Variants in ADAM10 observed in about 807,000 individuals in gnomAD.
ADAM10 encodes the protein ADAM metallopeptidase domain 10.
ADAM10 carries 17 observed loss-of-function variants against 90.1 expected under a neutral mutation model. The ratio of observed to expected loss-of-function variants is 0.19; its 90% confidence interval spans 0.13 to 0.28. The LOEUF (loss-of-function observed/expected upper bound fraction) is 0.28. Among genes scored for constraint, ADAM10 ranks in the 10% least tolerant of loss-of-function variants. The pLI is 1.00. For synonymous variants in ADAM10, 310 were observed against 298.6 expected, an observed-to-expected ratio of 1.04 and a Z score of -0.40; for missense variants, 610 against 914.3, an observed-to-expected ratio of 0.67 and a Z score of 4.29.
At position 58,592,138 on chromosome 15, in the gene ADAM10, G is replaced by A. The variant is rs1366577627; in HGVS notation, c.*5409C>T. 2 of 152,186 alleles carry A rather than the reference G, an allele frequency of 1.3e-5. No homozygotes were observed. The highest frequency in any genetic ancestry group is 2.9e-5 in the Non-Finnish European group (2 of 68,042). The allele number at this position is 152,186 out of a possible 1,614,324, so 9.4% of individuals were successfully genotyped here. ...AGGAGGCTTCATCATGATGAGATGT[G>A]ACTTTTGGCAGAACTGCTTCATAGG... is the stretch of plus-strand genomic sequence containing the variant. On this transcript the variant is annotated 3_prime_UTR_variant, in exon 16 of 16. Coordinates refer to ENST00000260408, the MANE Select transcript of ADAM10 (RefSeq NM_001110.4).
At position 58,611,926 on chromosome 15, in the gene ADAM10, T is replaced by A. The variant is rs200794475; in HGVS notation, c.1577A>T (p.Asp526Val). 1 of 1,614,180 alleles carries A rather than the reference T, an allele frequency of 6.2e-7. No individual in the cohort carries two copies. Among genetic ancestry groups the A allele is most frequent in the Non-Finnish European group, 8.5e-7 (1 of 1,180,024 alleles). ...AFKSKSEKCR[D>V]DSDCAREGIC... ...TCCTTCCCTTGCACAGTCTGAATCA[T>A]CCCGACACTTCTCAGACTTTGACTT... The change falls in exon 12 of 16, where the codon GAT (aspartate) becomes GTT (valine). Residue 526 changes from aspartate to valine, a missense_variant. By Grantham distance (152) the Asp-to-Val change is radical. Coordinates refer to ENST00000260408, the MANE Select transcript of ADAM10 (RefSeq NM_001110.4).
intron 7 of ADAM10, among the ~76,000 whole-genome samples, chr15:58,642,495 T>C (rs1896442335): frequency 6.6e-6 from 1 of 152,110 alleles, no homozygotes; most frequent in East Asian, 1.9e-4. Flanking sequence ...ATTTAAATTT[T>C]AATTACCTAT....
chr15:58,640,522 T>C (rs1896389019), intron 8 of ADAM10, among the ~76,000 whole-genome samples: 1 of 152,194 alleles, frequency 6.6e-6, no homozygotes, highest in South Asian at 2.1e-4. Flanking sequence ...CTTTTTCTCA[T>C]AAAATTATTT....
chr15:58,663,876 C>A (rs1041038334), intron 5 of ADAM10, among the ~76,000 whole-genome samples: 1 of 151,980 alleles, frequency 6.6e-6, no homozygotes, highest in Non-Finnish European at 1.5e-5. Context: ...ATAAATGCAA[C>A]CTACTTTTGT....
At position 58,736,589 on chromosome 15, in the gene ADAM10, C is replaced by A. The variant is rs1899438085; in HGVS notation, c.55+12891G>T. Among the ~76,000 whole-genome samples, 4 of 151,820 alleles carry A rather than the reference C, an allele frequency of 2.6e-5. No homozygotes were observed. The South Asian group carries it at 8.3e-4, about 32-fold the overall frequency. On this transcript the variant is annotated intron_variant, in intron 1 of 15. Transcript: ENST00000260408. ...AAGTATTTAGAGTACAACTTATTTTCAAATGAAACAGAGGGAAAAAAATAA... is the reference window on the plus strand; with the variant it reads ...AAGTATTTAGAGTACAACTTATTTTAAAATGAAACAGAGGGAAAAAAATAA...
intron 2 of ADAM10, among the ~76,000 whole-genome samples, chr15:58,710,576 T>G (rs16940684): frequency 2.6e-5 from 4 of 152,094 alleles, no homozygotes; most frequent in Non-Finnish European, 5.9e-5. Flanking sequence ...AATCCAATAC[T>G]GAGATAAAAA....
Position 58,682,318 on chromosome 15 carries a change from T to A in ADAM10, c.207-4A>T. The A allele has an allele frequency of 1.2e-6, 2 of 1,610,754 alleles. No individual in the cohort carries two copies. Among genetic ancestry groups the A allele is most frequent in the Non-Finnish European group, 1.7e-6 (2 of 1,178,764 alleles). On this transcript the variant is annotated splice_region_variant and splice_polypyrimidine_tract_variant and intron_variant, in intron 2 of 15. Transcript: ENST00000260408. ...CTTCATTCGTAGGTTGAAATGTCTG[T>A]AAAATGGGATGGGAAGGGGGAACAA... is the stretch of plus-strand genomic sequence containing the variant.
At chr15:58,645,217 C>A (rs1896516162) in intron 6 of ADAM10, among the ~76,000 whole-genome samples, 1 of 152,214 alleles carries the variant, frequency 6.6e-6, no homozygotes, top group African/African-American at 2.4e-5. Context: ...CCTAACTGCT[C>A]ATAGGGCTCA....
At chr15:58,680,124 T>G (rs1348915792) in intron 3 of ADAM10, among the ~76,000 whole-genome samples, 1 of 152,144 alleles carries the variant, frequency 6.6e-6, no homozygotes, top group Non-Finnish European at 1.5e-5. Flanking sequence ...TTTTGTGTTT[T>G]GTTTTGTTTT....
intron 2 of ADAM10, among the ~76,000 whole-genome samples, chr15:58,683,920 G>A (rs955364322): frequency 6.6e-6 from 1 of 150,934 alleles, no homozygotes; most frequent in Non-Finnish European, 1.5e-5. Context: ...AGTATCCACG[G>A]GGGATTGGTT....
intron 1 of ADAM10, among the ~76,000 whole-genome samples, chr15:58,726,396 C>A (rs1899027886): frequency 6.6e-6 from 1 of 151,494 alleles, no homozygotes; most frequent in African/African-American, 2.4e-5. Context: ...GAAACCCCAT[C>A]TCTACTAAAA....
rs1220017990 is a variant in ADAM10 at position 58,679,115 on chromosome 15, A to C, written c.484+9T>G. The C allele has an allele frequency of 6.2e-7, 1 of 1,612,466 alleles. No homozygotes were observed. ...GAAAAAGGCTACTTGATAAAACTTAAGTACTTACTAATATCATCTTCATGA... is the reference window on the plus strand; with the variant it reads ...GAAAAAGGCTACTTGATAAAACTTACGTACTTACTAATATCATCTTCATGA... On this transcript the variant is annotated intron_variant, in intron 4 of 15. Coordinates refer to ENST00000260408, the MANE Select transcript of ADAM10 (RefSeq NM_001110.4).
intron 2 of ADAM10, among the ~76,000 whole-genome samples, chr15:58,711,177 C>A (rs1898461117): frequency 2.0e-5 from 3 of 152,110 alleles, no homozygotes. Context: ...GTATATTCTC[C>A]AAACAATTAT....
chr15:58,742,818 C>A (rs181633553), intron 1 of ADAM10, among the ~76,000 whole-genome samples: 2 of 152,136 alleles, frequency 1.3e-5, no homozygotes, highest in Non-Finnish European at 2.9e-5. Flanking sequence ...AGAGCATTAA[C>A]GATCATTAAT....
At position 58,597,404 on chromosome 15, in the gene ADAM10, G is replaced by T. The variant is rs200636698; in HGVS notation, c.*143C>A. On this transcript the variant is annotated 3_prime_UTR_variant, in exon 16 of 16. Transcript: ENST00000260408. ...TTTAAAATTTAAGTAATTCCACCTG[G>T]TCTGAGGATATGATCTCTTGCCATT... The T allele has an allele frequency of 3.0e-4, 471 of 1,554,046 alleles. No homozygotes were observed. Among genetic ancestry groups the T allele is most frequent in the Non-Finnish European group, 3.9e-4 (443 of 1,148,200 alleles).
chr15:58,741,103 T>C (rs988748354), intron 1 of ADAM10, among the ~76,000 whole-genome samples: 1 of 152,186 alleles, frequency 6.6e-6, no homozygotes, highest in Non-Finnish European at 1.5e-5. Context: ...GAAAGCTAAA[T>C]TCAAAGTTCA....
intron 5 of ADAM10, among the ~76,000 whole-genome samples, chr15:58,659,969 C>A (rs1311909106): frequency 6.6e-6 from 1 of 152,164 alleles, no homozygotes; most frequent in Admixed American, 6.5e-5. Context: ...ATCTTGTGAT[C>A]CGCCTGCCTC....
At chr15:58,653,086 T>A (rs1164525434) in intron 5 of ADAM10, among the ~76,000 whole-genome samples, 1 of 152,192 alleles carries the variant, frequency 6.6e-6, no homozygotes, top group Non-Finnish European at 1.5e-5. Flanking sequence ...AACTTTACTG[T>A]ATTTGTTTAT....
intron 2 of ADAM10, among the ~76,000 whole-genome samples, chr15:58,684,187 T>C (rs1017071841): frequency 5.3e-5 from 8 of 152,176 alleles, no homozygotes; most frequent in Non-Finnish European, 1.0e-4. Flanking sequence ...ACCATGCGAA[T>C]TATTTTCAAT....
Sources: gnomAD v4.1 joint callset for allele counts (sites outside exome capture counted in the v4.1 genomes callset) on GRCh38, gnomAD v4.1.1 for gene constraint, MANE v1.5 for transcripts, NCBI Gene and HGNC (gene_info 2026-07-23, HGNC 2026-07-21) for gene names.